The following WDFY2 variants were observed in gnomAD, a reference collection of about 807,000 sequenced individuals.
WDFY2 encodes the protein WD repeat and FYVE domain-containing protein 2.
A neutral mutation model predicts 56.4 loss-of-function variants in WDFY2; 36 were observed. The observed-to-expected ratio is 0.64, with a 90% CI of 0.49 to 0.84. The LOEUF is 0.84. Among genes scored for constraint, WDFY2 ranks in the 40% least tolerant of loss-of-function variants. The pLI is 0.00. For synonymous variants in WDFY2, 176 were observed against 183.7 expected, an observed-to-expected ratio of 0.96 and a Z score of 0.34; for missense variants, 444 against 512.2, an observed-to-expected ratio of 0.87 and a Z score of 1.29.
intron 1 of WDFY2, among the ~76,000 whole-genome samples, chr13:51,637,669 C>T (rs908942729): frequency 1.3e-5 from 2 of 152,034 alleles, no homozygotes; most frequent in African/African-American, 4.8e-5. Flanking sequence ...AAAGAATAAC[C>T]ACTCCATAGA....
intron 4 of WDFY2, among the ~76,000 whole-genome samples, chr13:51,718,743 A>G (rs1050352295): frequency 6.6e-6 from 1 of 152,224 alleles, no homozygotes; most frequent in Non-Finnish European, 1.5e-5. Flanking sequence ...TCATTAAAAG[A>G]TTAACAGTAT....
At position 51,685,463 on chromosome 13, in the gene WDFY2, G is replaced by C. The variant is rs528831336; in HGVS notation, c.279+10220G>C. ...CTGTTGACTGGAAGCCTTACTGATA[G>C]CGTAAACAGTCGAGTAACACATACT... On this transcript the variant is annotated intron_variant, in intron 3 of 11. Coordinates refer to ENST00000298125, the MANE Select transcript of WDFY2 (RefSeq NM_052950.4). Among the ~76,000 whole-genome samples the C allele has an allele frequency of 2.8e-4, 42 of 152,204 alleles. No homozygotes were observed. In the South Asian group the frequency reaches 8.5e-3, roughly 31 times the overall value.
At chr13:51,637,438 C>T (rs1343008005) in intron 1 of WDFY2, among the ~76,000 whole-genome samples, 1 of 151,576 alleles carries the variant, frequency 6.6e-6, no homozygotes, top group Admixed American at 6.6e-5. Flanking sequence ...AGTTGGCAAC[C>T]CTCTGTTTCA....
intron 1 of WDFY2, among the ~76,000 whole-genome samples, chr13:51,618,979 CA>C (rs979938722): frequency 5.9e-5 from 9 of 152,204 alleles, no homozygotes; most frequent in African/African-American, 2.2e-4. Flanking sequence ...GGAAGTGAAC[CA>C]AATCTGTGAT....
chr13:51,733,674 G>A (rs913647853), intron 6 of WDFY2, among the ~76,000 whole-genome samples: 3 of 152,198 alleles, frequency 2.0e-5, no homozygotes, highest in African/African-American at 7.2e-5. Context: ...TTTGGACTGG[G>A]GGACAGCAGT....
intron 7 of WDFY2, among the ~76,000 whole-genome samples, chr13:51,746,788 A>G (rs1953115226): frequency 6.6e-6 from 1 of 152,248 alleles, no homozygotes; most frequent in Non-Finnish European, 1.5e-5. Flanking sequence ...AGAAAATAGA[A>G]CATTAAAACA....
At chr13:51,590,841 G>A (rs1954030069) in intron 1 of WDFY2, 1 of 151,910 alleles carries the variant, frequency 6.6e-6, no homozygotes, top group Non-Finnish European at 1.5e-5. Context: ...TGTATTTCGG[G>A]GCAGGGAGCC....
intron 3 of WDFY2, among the ~76,000 whole-genome samples, chr13:51,703,267 A>AT (rs1378462742): frequency 3.9e-5 from 6 of 152,140 alleles, no homozygotes; most frequent in Admixed American, 3.3e-4. Flanking sequence ...AGCCTTGCAA[A>AT]TTTTTAGCTG....
At chr13:51,733,332 C>T (rs945641202) in intron 6 of WDFY2, among the ~76,000 whole-genome samples, 3 of 152,198 alleles carry the variant, frequency 2.0e-5, no homozygotes, top group East Asian at 1.9e-4. Context: ...CCACTGTGCC[C>T]AGCCAGAAGT....
intron 3 of WDFY2, among the ~76,000 whole-genome samples, chr13:51,678,623 T>C (rs1430821422): frequency 1.3e-5 from 2 of 152,208 alleles, no homozygotes; most frequent in African/African-American, 4.8e-5. Context: ...CTTTAAACTT[T>C]GCATTTTTAT....
Position 51,763,810 on chromosome 13 carries a change from T to TATA in WDFY2, c.*4044_*4046dup. 1 of 152,214 alleles carries TATA rather than the reference T, an allele frequency of 6.6e-6. No individual in the cohort carries two copies. Among genetic ancestry groups the TATA allele is most frequent in the East Asian group, 1.9e-4 (1 of 5,180 alleles). 9.4% of individuals were successfully genotyped at this position (152,214 alleles called of 1,614,324 possible). A position where few individuals can be genotyped will look rare whatever the true frequency, so the allele number is the denominator to read the frequency against. ...AAGGCCCTGAATAAATAAACAAAAG[T>TATA]ATAATTTATTTTTGCCTGATATTAA... On this transcript the variant is annotated 3_prime_UTR_variant, in exon 12 of 12. Transcript: ENST00000298125.
chr13:51,604,021 G>A (rs961036288), intron 1 of WDFY2, among the ~76,000 whole-genome samples: 2 of 152,158 alleles, frequency 1.3e-5, no homozygotes, highest in African/African-American at 2.4e-5. Flanking sequence ...GTAGGAATGC[G>A]GACCCAGTGT....
chr13:51,589,121 A>G (rs1019694481), intron 1 of WDFY2: 1 of 152,250 alleles, frequency 6.6e-6, no homozygotes, highest in Non-Finnish European at 1.5e-5. Context: ...CTGATCCCCA[A>G]TGCCTAGCAC....
rs1953602021 is a variant in WDFY2, at chr13:51,762,104, T to C, written c.*2335T>C. 6.6e-6 allele frequency: 1 copy of C among 152,260 alleles called. No individual in the cohort carries two copies. The highest frequency in any genetic ancestry group is 2.4e-5 in the African/African-American group (1 of 41,474). 9.4% of individuals were successfully genotyped at this position (152,260 alleles called of 1,614,324 possible). ...GTTGTATGTAATATAGGACTGTGTG[T>C]TGGAAATGAGTAATAGAGCTGAATC... On this transcript the variant is annotated 3_prime_UTR_variant, in exon 12 of 12. Coordinates refer to ENST00000298125, the MANE Select transcript of WDFY2 (RefSeq NM_052950.4).
intron 1 of WDFY2, among the ~76,000 whole-genome samples, chr13:51,606,585 T>A (rs926352722): frequency 2.6e-5 from 4 of 152,200 alleles, no homozygotes; most frequent in African/African-American, 9.6e-5. Flanking sequence ...CAAATATATT[T>A]TGTTCATATC....
chr13:51,738,063 T>G (rs1367736779), intron 6 of WDFY2, among the ~76,000 whole-genome samples: 1 of 152,248 alleles, frequency 6.6e-6, no homozygotes, highest in South Asian at 2.1e-4. Context: ...TGAAAGCTCT[T>G]AAGTGTAGCA....
rs558298306 is a variant in WDFY2 at position 51,584,641 on chromosome 13, C to A, written c.-47C>A. ...GCTCCAGCAGTCTCCTCAGCCCGGCCCCGCGGCGCGGTTGGCGGCGGCGCC... is the reference window on the plus strand; with the variant it reads ...GCTCCAGCAGTCTCCTCAGCCCGGCACCGCGGCGCGGTTGGCGGCGGCGCC... On this transcript the variant is annotated 5_prime_UTR_variant, in exon 1 of 12. Transcript: ENST00000298125. 74 of 1,583,626 alleles carry A rather than the reference C, an allele frequency of 4.7e-5. No homozygotes were observed. In the South Asian group the frequency reaches 6.9e-4, roughly 15 times the overall value.
intron 5 of WDFY2, among the ~76,000 whole-genome samples, chr13:51,723,511 C>T (rs1410077550): frequency 2.0e-5 from 3 of 152,096 alleles, no homozygotes; most frequent in Non-Finnish European, 4.4e-5. Flanking sequence ...AATCAGTTCT[C>T]CTGCACACAG....
chr13:51,690,268 A>G (rs1421171359), intron 3 of WDFY2, among the ~76,000 whole-genome samples: 2 of 151,362 alleles, frequency 1.3e-5, no homozygotes, highest in Admixed American at 6.6e-5. Flanking sequence ...ATATGTATAC[A>G]TGTGCCATGC....
Sources: allele counts gnomAD v4.1 joint callset (sites outside exome capture counted in the v4.1 genomes callset), GRCh38; gene constraint gnomAD v4.1.1; transcripts MANE v1.5; gene names NCBI Gene and HGNC (gene_info 2026-07-23, HGNC 2026-07-21).